Variants in GRIN2A observed in about 807,000 individuals in gnomAD.
GRIN2A encodes glutamate ionotropic receptor NMDA type subunit 2A.
Under a neutral mutation model 113.4 loss-of-function variants are expected in GRIN2A, and 22 were observed. The ratio of observed to expected loss-of-function variants is 0.19; its 90% confidence interval spans 0.14 to 0.28. The LOEUF (loss-of-function observed/expected upper bound fraction) is 0.28. Ranked by LOEUF, GRIN2A falls within the 10% of genes least tolerant of loss-of-function variation. The probability of loss-of-function intolerance (pLI) is 1.00; values close to 1 mark genes in which losing one functional copy is unlikely to be tolerated. For synonymous variants in GRIN2A, 827 were observed against 738.4 expected, an observed-to-expected ratio of 1.12 and a Z score of -1.94; for missense variants, 1,502 against 1,887.0, an observed-to-expected ratio of 0.80 and a Z score of 3.78.
At chr16:9,900,310 C>G (rs918952753) in intron 3 of GRIN2A, among the ~76,000 whole-genome samples, 4 of 152,194 alleles carry the variant, frequency 2.6e-5, no homozygotes, top group Non-Finnish European at 5.9e-5. Context: ...CACAGCACCC[C>G]CTGGACTGGG....
chr16:9,958,498 A>C (rs2141694925), intron 2 of GRIN2A, among the ~76,000 whole-genome samples: 1 of 152,194 alleles, frequency 6.6e-6, no homozygotes, highest in East Asian at 1.9e-4. Context: ...CTCTGTTCCC[A>C]CGGATTTTAT....
chr16:9,754,752 G>A lies in GRIN2A; in HGVS notation c.*8397C>T, dbSNP rs1416540069. 1.8e-5 allele frequency: 4 copies of A among 218,546 alleles called. No homozygotes were observed. The highest frequency in any genetic ancestry group is 1.4e-3 in the Middle Eastern group (1 of 728). The allele number at this position is 218,546 out of a possible 1,614,324, so 13.5% of individuals were successfully genotyped here. A position where few individuals can be genotyped will look rare whatever the true frequency, so the allele number is the denominator to read the frequency against. ...CTTAGATGGCTAATGTAGAAACTTCGATTGAATTCAAAAGGCTATGATTGT... is the reference window on the plus strand; with the variant it reads ...CTTAGATGGCTAATGTAGAAACTTCAATTGAATTCAAAAGGCTATGATTGT... On this transcript the variant is annotated 3_prime_UTR_variant, in exon 13 of 13. Transcript: ENST00000330684.
intron 2 of GRIN2A, among the ~76,000 whole-genome samples, chr16:10,062,567 T>C (rs552499268): frequency 1.3e-5 from 2 of 152,296 alleles, no homozygotes; most frequent in South Asian, 4.1e-4. Context: ...AAACATTGGG[T>C]TAACACGCCG....
chr16:10,123,452 G>A (rs1197463448), intron 2 of GRIN2A, among the ~76,000 whole-genome samples: 1 of 152,132 alleles, frequency 6.6e-6, no homozygotes, highest in African/African-American at 2.4e-5. Context: ...GCTCCTCGTT[G>A]ATGCCATAGT....
chr16:10,063,908 C>A (rs976188658), intron 2 of GRIN2A, among the ~76,000 whole-genome samples: 2 of 152,118 alleles, frequency 1.3e-5, no homozygotes, highest in African/African-American at 2.4e-5. Context: ...GAGGAAGCTG[C>A]CACTTTATTC....
chr16:9,960,870 C>G (rs1157803657), intron 2 of GRIN2A, among the ~76,000 whole-genome samples: 1 of 152,232 alleles, frequency 6.6e-6, no homozygotes, highest in Non-Finnish European at 1.5e-5. Context: ...AAGTGATCCT[C>G]CTGCCTCAGT....
intron 3 of GRIN2A, among the ~76,000 whole-genome samples, chr16:9,896,799 A>G (rs573171402): frequency 6.6e-6 from 1 of 152,328 alleles, no homozygotes; most frequent in Admixed American, 6.5e-5. Context: ...AGGACAATCC[A>G]TATTTCCATG....
chr16:10,112,767 A>G, intron 2 of GRIN2A: 1 of 711,540 alleles, frequency 1.4e-6, no homozygotes, highest in Non-Finnish European at 2.6e-6. Context: ...CATAGCGAGT[A>G]ACCAGCATGG....
At chr16:9,795,781 TTCATAGAA>T (rs1487109790) in intron 11 of GRIN2A, among the ~76,000 whole-genome samples, 1 of 152,240 alleles carries the variant, frequency 6.6e-6, no homozygotes, top group African/African-American at 2.4e-5. Flanking sequence ...GATCACTTCT[TTCATAGAA>T]GTATTTGTAA....
intron 2 of GRIN2A, among the ~76,000 whole-genome samples, chr16:10,048,639 A>G (rs1167543822): frequency 6.6e-6 from 1 of 152,128 alleles, no homozygotes; most frequent in Non-Finnish European, 1.5e-5. Context: ...GTGTCTCCAA[A>G]CACTAACATA....
chr16:10,122,176 C>T (rs954225976), intron 2 of GRIN2A, among the ~76,000 whole-genome samples: 1 of 152,096 alleles, frequency 6.6e-6, no homozygotes, highest in African/African-American at 2.4e-5. Context: ...AGCAAAGTCC[C>T]CTGATAATAT....
At chr16:10,003,802 G>A (rs760316280) in intron 2 of GRIN2A, among the ~76,000 whole-genome samples, 3 of 152,198 alleles carry the variant, frequency 2.0e-5, no homozygotes, top group Non-Finnish European at 4.4e-5. Flanking sequence ...AAGACACTGA[G>A]CTATGAGTAA....
At chr16:9,947,109 C>T (rs974950437) in intron 2 of GRIN2A, among the ~76,000 whole-genome samples, 1 of 152,144 alleles carries the variant, frequency 6.6e-6, no homozygotes, top group African/African-American at 2.4e-5. Context: ...CAGGGTAGTG[C>T]ATCTCTCTTC....
At chr16:9,990,081 C>G (rs576880246) in intron 2 of GRIN2A, among the ~76,000 whole-genome samples, 1 of 152,184 alleles carries the variant, frequency 6.6e-6, no homozygotes, top group Non-Finnish European at 1.5e-5. Context: ...CCCCTGCACT[C>G]ATATGTTTAT....
chr16:10,134,182 G>A (rs1397539405), intron 2 of GRIN2A, among the ~76,000 whole-genome samples: 2 of 130,938 alleles, frequency 1.5e-5, no homozygotes, highest in Non-Finnish European at 3.2e-5. Context: ...TTCAGGGTGA[G>A]ACACTGTTTC....
rs191875250 is a variant in GRIN2A, at chr16:10,123,110, G to T, written c.414+56888C>A. Among the ~76,000 whole-genome samples, 135 of 152,278 alleles carry T rather than the reference G, an allele frequency of 8.9e-4. 1 individual carries two copies. Among genetic ancestry groups the T allele is most frequent in the African/African-American group, 3.1e-3 (128 of 41,568 alleles). ...AATCAAAGTTTTTTCCCAGCACAGG[G>T]AGATGGGGCCGATCTCTCTTGGATC... is the stretch of plus-strand genomic sequence containing the variant. On this transcript the variant is annotated intron_variant, in intron 2 of 12. Transcript: ENST00000330684.
chr16:9,766,485 T>C (rs1010342115), intron 12 of GRIN2A, among the ~76,000 whole-genome samples: 1 of 152,236 alleles, frequency 6.6e-6, no homozygotes, highest in Non-Finnish European at 1.5e-5. Flanking sequence ...TCATGGTTGG[T>C]GAAGGCCCCC....
At chr16:9,851,482 C>A (rs1184357292) in intron 4 of GRIN2A, among the ~76,000 whole-genome samples, 1 of 152,238 alleles carries the variant, frequency 6.6e-6, no homozygotes, top group Non-Finnish European at 1.5e-5. Context: ...AACAGAATGA[C>A]TCTTGCCTTC....
intron 12 of GRIN2A, among the ~76,000 whole-genome samples, chr16:9,767,800 T>C (rs1901013082): frequency 6.6e-6 from 1 of 152,228 alleles, no homozygotes; most frequent in Non-Finnish European, 1.5e-5. Context: ...TTTCTTCTGT[T>C]ACTTTACACC....
Sources: gnomAD v4.1 joint callset for allele counts (sites outside exome capture counted in the v4.1 genomes callset) on GRCh38, gnomAD v4.1.1 for gene constraint, MANE v1.5 for transcripts, NCBI Gene and HGNC (gene_info 2026-07-23, HGNC 2026-07-21) for gene names.